The following REDIC1 variants were observed in gnomAD, a reference collection of about 807,000 sequenced individuals.
REDIC1 encodes the protein regulator of DNA class I crossover intermediates 1, also known as HEI10 Interacting Protein 1.
At chr12:39,714,242 TGTATATAC>T in the REDIC1 span, among the ~76,000 whole-genome samples, 4 of 145,074 alleles carry the variant, frequency 2.8e-5, no homozygotes, top group African/African-American at 1.0e-4. Flanking sequence ...TATGTATATA[TGTATATAC>T]GTATATGCAT....
chr12:39,831,292 C>T, the REDIC1 span, among the ~76,000 whole-genome samples: 10,373 of 151,934 alleles, frequency 0.068, 494 homozygotes, highest in Admixed American at 0.087. Flanking sequence ...ACATTGAAAC[C>T]GAATCATAAA....
the REDIC1 span, among the ~76,000 whole-genome samples, chr12:39,779,785 T>C: frequency 6.6e-6 from 1 of 152,242 alleles, no homozygotes; most frequent in Non-Finnish European, 1.5e-5. Context: ...AATCTATCTG[T>C]ATCATCCTAA....
chr12:39,647,759 G>A, the REDIC1 span: 2 of 1,333,868 alleles, frequency 1.5e-6, no homozygotes, highest in Admixed American at 2.8e-5. Flanking sequence ...ATATATTTTG[G>A]TAATGTAAAT....
the REDIC1 span, among the ~76,000 whole-genome samples, chr12:39,670,939 T>C: frequency 6.6e-6 from 1 of 152,116 alleles, no homozygotes; most frequent in Non-Finnish European, 1.5e-5. Context: ...TCTAAATTGG[T>C]TTGCTGATTT....
chr12:39,630,015 T>C, the REDIC1 span, among the ~76,000 whole-genome samples: 3 of 152,012 alleles, frequency 2.0e-5, no homozygotes, highest in Admixed American at 1.3e-4. Flanking sequence ...TGGGACTTAG[T>C]GACCTACACC....
At chr12:39,725,342 A>G in the REDIC1 span, among the ~76,000 whole-genome samples, 1 of 152,144 alleles carries the variant, frequency 6.6e-6, no homozygotes, top group Non-Finnish European at 1.5e-5. Flanking sequence ...TTGGTGACAT[A>G]TTTAGGGTCT....
At chr12:39,640,132 C>A in the REDIC1 span, among the ~76,000 whole-genome samples, 1 of 150,942 alleles carries the variant, frequency 6.6e-6, no homozygotes, top group Non-Finnish European at 1.5e-5. Flanking sequence ...TGTTAACATC[C>A]TGACTCCCAA....
At chr12:39,706,562 A>G in the REDIC1 span, among the ~76,000 whole-genome samples, 1 of 152,076 alleles carries the variant, frequency 6.6e-6, no homozygotes, top group Non-Finnish European at 1.5e-5. Context: ...ATTATACTAC[A>G]GAACTATAGT....
the REDIC1 span, among the ~76,000 whole-genome samples, chr12:39,857,129 T>G: frequency 6.6e-6 from 1 of 152,200 alleles, no homozygotes; most frequent in Non-Finnish European, 1.5e-5. Context: ...GAGATACATG[T>G]TTTTCCCCCT....
At chr12:39,839,888 T>G in the REDIC1 span, among the ~76,000 whole-genome samples, 1 of 152,120 alleles carries the variant, frequency 6.6e-6, no homozygotes, top group Non-Finnish European at 1.5e-5. Flanking sequence ...TCTTTGGCTT[T>G]CTTGCCAAAC....
chr12:39,895,926 GTA>G, the REDIC1 span, among the ~76,000 whole-genome samples: 4 of 136,624 alleles, frequency 2.9e-5, no homozygotes, highest in South Asian at 4.5e-4. Flanking sequence ...GCATATATGT[GTA>G]TATGTGTATA....
At chr12:39,666,654 C>T in the REDIC1 span, among the ~76,000 whole-genome samples, 17 of 152,086 alleles carry the variant, frequency 1.1e-4, no homozygotes, top group Admixed American at 2.0e-4. Context: ...CCAGCTCCTC[C>T]TTGTACCTTT....
the REDIC1 span, among the ~76,000 whole-genome samples, chr12:39,862,586 G>A: frequency 3.3e-5 from 5 of 152,118 alleles, no homozygotes; most frequent in East Asian, 1.9e-4. Context: ...TTTCCTATAC[G>A]GATCACTCCA....
chr12:39,627,904 AAG>A, the REDIC1 span, among the ~76,000 whole-genome samples: 27 of 152,330 alleles, frequency 1.8e-4, no homozygotes, highest in African/African-American at 6.0e-4. Context: ...ATGGTTTTGA[AAG>A]AAAGTTCATT....
At chr12:39,666,348 G>T in the REDIC1 span, among the ~76,000 whole-genome samples, 2 of 152,140 alleles carry the variant, frequency 1.3e-5, no homozygotes, top group South Asian at 4.1e-4. Context: ...TGTTGGTTCT[G>T]TTTATATGCT....
At chr12:39,735,391 GTAGAAAATAGAAA>G in the REDIC1 span, among the ~76,000 whole-genome samples, 1 of 152,134 alleles carries the variant, frequency 6.6e-6, no homozygotes, top group African/African-American at 2.4e-5. Flanking sequence ...ATGAAGTAAC[GTAGAAAATAGAAA>G]TAGAAAATAG....
the REDIC1 span, among the ~76,000 whole-genome samples, chr12:39,735,274 G>A: frequency 1.3e-4 from 20 of 152,314 alleles, no homozygotes; most frequent in African/African-American, 4.8e-4. Flanking sequence ...GCCCCTAGAG[G>A]TGGCTCATAG....
At chr12:39,626,303 A>G in the REDIC1 span, 10 of 1,613,556 alleles carry the variant, frequency 6.2e-6, no homozygotes, top group African/African-American at 1.2e-4. Flanking sequence ...TGAGCTCTAG[A>G]CACAGGGACC....
chr12:39,677,700 A>G, the REDIC1 span, among the ~76,000 whole-genome samples: 1 of 152,306 alleles, frequency 6.6e-6, no homozygotes, highest in Non-Finnish European at 1.5e-5. Context: ...CTGCAAAACA[A>G]GTCACAATAA....
Sources: gnomAD v4.1 joint callset for allele counts (sites outside exome capture counted in the v4.1 genomes callset) on GRCh38, gnomAD v4.1.1 for gene constraint, MANE v1.5 for transcripts, NCBI Gene and HGNC (gene_info 2026-07-23, HGNC 2026-07-21) for gene names.